Variants in CACNA2D1 observed in about 807,000 individuals in gnomAD.
CACNA2D1 encodes the protein calcium voltage-gated channel auxiliary subunit alpha2delta 1, also known as voltage-dependent calcium channel subunit alpha-2/delta-1.
CACNA2D1 carries 53 observed loss-of-function variants against 171.5 expected under a neutral mutation model. The observed-to-expected ratio is 0.31, with a 90% CI of 0.25 to 0.39. The LOEUF (loss-of-function observed/expected upper bound fraction) is 0.39. CACNA2D1 is among the 10% of genes least tolerant of loss of function. The pLI, the probability that CACNA2D1 is intolerant of heterozygous loss-of-function variation, is 1.00. For missense variants in CACNA2D1, 903 were observed against 1,299.8 expected, an observed-to-expected ratio of 0.69 and a Z score of 4.69; for synonymous variants, 442 against 443.1, an observed-to-expected ratio of 1.00 and a Z score of 0.03.
intron 3 of CACNA2D1, among the ~76,000 whole-genome samples, chr7:82,236,214 T>C (rs1803572495): frequency 6.6e-6 from 1 of 152,080 alleles, no homozygotes; most frequent in Non-Finnish European, 1.5e-5. Context: ...TAGCGAATTA[T>C]AGAATGTGAA....
intron 12 of CACNA2D1, among the ~76,000 whole-genome samples, chr7:82,026,426 A>T (rs1584462904): frequency 2.0e-5 from 3 of 151,708 alleles, no homozygotes; most frequent in South Asian, 4.1e-4. Context: ...AAGTTTTTTT[A>T]AAAAGTTGCA....
intron 3 of CACNA2D1, among the ~76,000 whole-genome samples, chr7:82,261,021 C>A (rs1807014259): frequency 6.6e-6 from 1 of 151,444 alleles, no homozygotes. Flanking sequence ...GTAGCGCAGT[C>A]TCGGCTTACT....
chr7:81,986,312 G>A (rs534826423), intron 21 of CACNA2D1, among the ~76,000 whole-genome samples: 3 of 152,230 alleles, frequency 2.0e-5, no homozygotes, highest in East Asian at 3.9e-4. Context: ...AGGAAAAGGT[G>A]TGTATATCTA....
chr7:82,163,983 T>A (rs1795199575), intron 4 of CACNA2D1, among the ~76,000 whole-genome samples: 3 of 151,868 alleles, frequency 2.0e-5, no homozygotes. Context: ...ATTAAAAAAA[T>A]TAATATTCAA....
intron 3 of CACNA2D1, among the ~76,000 whole-genome samples, chr7:82,245,886 T>C (rs1484948925): frequency 1.3e-5 from 2 of 152,164 alleles, no homozygotes; most frequent in Non-Finnish European, 2.9e-5. Flanking sequence ...TGATAGTTTG[T>C]AGTTTATTAT....
chr7:82,246,824 T>C (rs886946487), intron 3 of CACNA2D1, among the ~76,000 whole-genome samples: 1 of 152,180 alleles, frequency 6.6e-6, no homozygotes, highest in African/African-American at 2.4e-5. Context: ...TTAGGGGTCC[T>C]TTTGGTTAAA....
intron 3 of CACNA2D1, among the ~76,000 whole-genome samples, chr7:82,213,902 A>G (rs1800828000): frequency 6.6e-6 from 1 of 152,150 alleles, no homozygotes; most frequent in Admixed American, 6.5e-5. Flanking sequence ...GGTAGCTTTT[A>G]AGCAACAGAA....
intron 1 of CACNA2D1, among the ~76,000 whole-genome samples, chr7:82,410,321 C>T (rs1827511201): frequency 6.6e-6 from 1 of 152,088 alleles, no homozygotes; most frequent in African/African-American, 2.4e-5. Context: ...AGGGGAGGCC[C>T]TAAAATATAC....
chr7:82,286,105 TC>T (rs1313450613), intron 3 of CACNA2D1, among the ~76,000 whole-genome samples: 1 of 152,188 alleles, frequency 6.6e-6, no homozygotes, highest in African/African-American at 2.4e-5. Flanking sequence ...CTCCTTTTTT[TC>T]CTTCTCTCCC....
chr7:82,156,654 AG>A (rs1332697755), intron 4 of CACNA2D1, among the ~76,000 whole-genome samples: 5 of 147,190 alleles, frequency 3.4e-5, no homozygotes, highest in East Asian at 2.0e-4. Flanking sequence ...TTTTAATAAG[AG>A]AGATCAATGT....
chr7:82,369,065 A>G (rs1416738966), intron 1 of CACNA2D1, among the ~76,000 whole-genome samples: 9 of 151,928 alleles, frequency 5.9e-5, no homozygotes, highest in Non-Finnish European at 8.8e-5. Flanking sequence ...TTTCTAGAAA[A>G]TTTCCAGTCA....
At chr7:82,374,611 T>C (rs1822796953) in intron 1 of CACNA2D1, among the ~76,000 whole-genome samples, 1 of 151,966 alleles carries the variant, frequency 6.6e-6, no homozygotes, top group African/African-American at 2.4e-5. Context: ...AATGGAAAAA[T>C]AAATAAAGCC....
chr7:82,428,106 A>G (rs370859379), intron 1 of CACNA2D1, among the ~76,000 whole-genome samples: 22,031 of 146,986 alleles, frequency 0.15, 1,870 homozygotes, highest in African/African-American at 0.25. Context: ...TAAAAAATAA[A>G]TAAAAAAAAA....
At chr7:82,350,510 A>T (rs1452721144) in intron 1 of CACNA2D1, among the ~76,000 whole-genome samples, 4 of 152,092 alleles carry the variant, frequency 2.6e-5, no homozygotes, top group Non-Finnish European at 4.4e-5. Flanking sequence ...CTAAAAATAC[A>T]AAAAACTAGC....
intron 2 of CACNA2D1, among the ~76,000 whole-genome samples, chr7:82,347,784 A>T (rs1349742053): frequency 6.7e-6 from 1 of 148,300 alleles, no homozygotes; most frequent in Non-Finnish European, 1.5e-5. Flanking sequence ...GTATCCCATA[A>T]ACAGAAAATT....
At position 81,955,980 on chromosome 7, in the gene CACNA2D1, A is replaced by ATATATATT. The variant is rs58075516; in HGVS notation, c.3159+3294_3159+3295insAATATATA. Among the ~76,000 whole-genome samples the ATATATATT allele has an allele frequency of 4.4e-3, 153 of 34,506 alleles. 1 individual carries two copies. The highest frequency in any genetic ancestry group is 8.8e-3 in the East Asian group (6 of 682). 22.6% of individuals were successfully genotyped at this position (34,506 alleles called of 152,430 possible). On this transcript the variant is annotated intron_variant, in intron 38 of 38. Transcript: ENST00000356860. ...TGTTGCTATATATATATATATATAT[A>ATATATATT]TTTTTTTTTTTTTTTTTTTTTTTTG...
At chr7:82,172,849 T>TG (rs376328175) in intron 3 of CACNA2D1, among the ~76,000 whole-genome samples, 9,600 of 114,082 alleles carry the variant, frequency 0.084, 634 homozygotes, top group African/African-American at 0.28. Flanking sequence ...AAAAAAAAAA[T>TG]TCTGGAACTT....
At chr7:82,357,185 CAAG>C (rs1237391191) in intron 1 of CACNA2D1, among the ~76,000 whole-genome samples, 1 of 152,070 alleles carries the variant, frequency 6.6e-6, no homozygotes, top group East Asian at 1.9e-4. Flanking sequence ...TTGTTCCTTT[CAAG>C]GTTGGATTTG....
At position 81,997,786 on chromosome 7, in the gene CACNA2D1, T is replaced by G. The variant is rs944464919; in HGVS notation, c.1591-536A>C. Among the ~76,000 whole-genome samples the G allele has an allele frequency of 2.0e-5, 3 of 151,986 alleles. No individual in the cohort carries two copies. The East Asian group carries it at 5.8e-4, about 29-fold the overall frequency. On this transcript the variant is annotated intron_variant, in intron 18 of 38. Coordinates refer to ENST00000356860, the MANE Select transcript of CACNA2D1 (RefSeq NM_000722.4). ...TATAAAGAAAAGGTGCAAGTTTGCTTCATATATTTCAATCTAAGAAATTTT... is the reference window on the plus strand; with the variant it reads ...TATAAAGAAAAGGTGCAAGTTTGCTGCATATATTTCAATCTAAGAAATTTT...
Sources: allele counts gnomAD v4.1 joint callset (sites outside exome capture counted in the v4.1 genomes callset), GRCh38; gene constraint gnomAD v4.1.1; transcripts MANE v1.5; gene names NCBI Gene and HGNC (gene_info 2026-07-23, HGNC 2026-07-21).